Variants in USP47 observed in about 807,000 individuals in gnomAD.
USP47 encodes the protein ubiquitin carboxyl-terminal hydrolase 47.
In USP47, 35 loss-of-function variants were observed where a neutral mutation model predicts 165.1. The ratio of observed to expected loss-of-function variants is 0.21; its 90% confidence interval spans 0.16 to 0.28. The LOEUF (loss-of-function observed/expected upper bound fraction) is 0.28, where lower values mean the gene tolerates loss of function less well. USP47 is among the 10% of genes least tolerant of loss of function. USP47 has a pLI of 1.00. For missense variants in USP47, 1,277 were observed against 1,607.4 expected, an observed-to-expected ratio of 0.79 and a Z score of 3.52; for synonymous variants, 531 against 544.5, an observed-to-expected ratio of 0.98 and a Z score of 0.35.
intron 5 of USP47, among the ~76,000 whole-genome samples, chr11:11,898,446 A>G (rs1007962846): frequency 2.0e-5 from 3 of 151,944 alleles, no homozygotes; most frequent in Admixed American, 1.3e-4. Flanking sequence ...AACTTTTAAT[A>G]TTGCTGATTG....
chr11:11,953,929 A>G (rs1223651375), intron 25 of USP47, among the ~76,000 whole-genome samples: 1 of 152,136 alleles, frequency 6.6e-6, no homozygotes. Flanking sequence ...CGGATTTGCA[A>G]TTAAACATCT....
rs116237108 is a variant in USP47 at position 11,948,810 on chromosome 11, G to A, written c.3348+252G>A. On this transcript the variant is annotated intron_variant, in intron 22 of 27. Transcript: ENST00000527733. ...AACATTTTATTTACAAAAGCAGGCA[G>A]CAGTGAACTTGGCCCTCAGGCCACT... 5.9e-3 allele frequency: 1,958 copies of A among 332,830 alleles called. 23 individuals are homozygous for A. Among genetic ancestry groups the A allele is most frequent in the African/African-American group, 0.024 (1,148 of 47,810 alleles). The allele number at this position is 332,830 out of a possible 1,614,324, so 20.6% of individuals were successfully genotyped here.
chr11:11,936,589 G>A (rs1855091614), intron 17 of USP47, 79 bp downstream of exon 17: 2 of 1,202,472 alleles, frequency 1.7e-6, no homozygotes. Flanking sequence ...TTGTAGAAAT[G>A]AACATAATTT....
intron 1 of USP47, among the ~76,000 whole-genome samples, chr11:11,853,357 G>A (rs1219274863): frequency 6.6e-6 from 1 of 152,212 alleles, no homozygotes; most frequent in African/African-American, 2.4e-5. Flanking sequence ...GGCATATTCT[G>A]TTATGAGGTT....
chr11:11,862,665 G>C lies in USP47; in HGVS notation c.40-17512G>C, dbSNP rs370457314. ...AATTTGACAGTGGTAGAAAAGCTAA[G>C]GCTAAGAAGACTTTTCTCTTCTTTT... is the stretch of plus-strand genomic sequence containing the variant. On this transcript the variant is annotated intron_variant, in intron 1 of 27. Transcript: ENST00000527733. 1.1e-4 allele frequency among the ~76,000 whole-genome samples: 16 copies of C among 152,256 alleles called. No homozygotes were observed. The South Asian group carries it at 3.3e-3, about 32-fold the overall frequency.
At chr11:11,918,651 T>G (rs1219010997) in intron 8 of USP47, among the ~76,000 whole-genome samples, 1 of 152,022 alleles carries the variant, frequency 6.6e-6, no homozygotes, top group Admixed American at 6.6e-5. Context: ...ATGAGTAAAG[T>G]ATTTGAGAGT....
chr11:11,960,899 C>T lies in USP47; in HGVS notation c.*4724C>T, dbSNP rs1306368331. ...TCTTTGTCCCTCACACTACAGCAGG[C>T]CCCTCCCTTCCCTCTTCAACCTCAT... On this transcript the variant is annotated 3_prime_UTR_variant, in exon 28 of 28. Transcript: ENST00000527733. Among the ~76,000 whole-genome samples, 1 of 152,152 alleles carries T rather than the reference C, an allele frequency of 6.6e-6. No individual in the cohort carries two copies. The highest frequency in any genetic ancestry group is 1.5e-5 in the Non-Finnish European group (1 of 68,022).
Position 11,867,957 on chromosome 11 carries a change from C to T in USP47, c.40-12220C>T, listed in dbSNP as rs553680690. Among the ~76,000 whole-genome samples, 8 of 152,142 alleles carry T rather than the reference C, an allele frequency of 5.3e-5. No individual in the cohort carries two copies. In the South Asian group the frequency reaches 1.5e-3, roughly 28 times the overall value. On this transcript the variant is annotated intron_variant, in intron 1 of 27. Coordinates refer to ENST00000527733, the MANE Select transcript of USP47 (RefSeq NM_001282659.2). ...TCATGAAGACCAGCATGTGGTTGCA[C>T]GTTCTTAGGAGTACCCTCCTCCCAT...
At chr11:11,932,681 A>G (rs1410516187) in intron 14 of USP47, among the ~76,000 whole-genome samples, 2 of 152,124 alleles carry the variant, frequency 1.3e-5, no homozygotes, top group Admixed American at 6.6e-5. Context: ...CATGATTTGA[A>G]GTCAGAAATT....
Position 11,841,999 on chromosome 11 carries a change from G to A in USP47, c.-187G>A. ...CGAAGGCGGCTGTGGTAGCGGCGGC[G>A]GCGGCGGCGGAGCCCTGGGTCGGTG... On this transcript the variant is annotated 5_prime_UTR_variant, in exon 1 of 28. Coordinates refer to ENST00000527733, the MANE Select transcript of USP47 (RefSeq NM_001282659.2). The A allele has an allele frequency of 1.8e-6, 1 of 562,686 alleles. No homozygotes were observed. Among genetic ancestry groups the A allele is most frequent in the Non-Finnish European group, 3.0e-6 (1 of 337,926 alleles). 34.9% of individuals were successfully genotyped at this position (562,686 alleles called of 1,614,324 possible).
In USP47 at chr11:11,936,433, T is replaced by C. The variant is rs759745033; in HGVS notation, c.2000T>C (p.Val667Ala). Residue 667 changes from valine (V) to alanine (A), a missense_variant, in exon 17 of 28, where the codon GTC becomes GCC. By Grantham distance (64) the Val-to-Ala change is moderately conservative. Transcript: ENST00000527733. ...DTPMGLLLGG[V>A]KSTYMFDLLL... ...CCAATGGGGCTTCTACTAGGTGGCG[T>C]CAAGTCAACATATATGTTTGATCTG... is the stretch of plus-strand genomic sequence containing the variant. 6.2e-7 allele frequency: 1 copy of C among 1,609,992 alleles called. No homozygotes were observed. The highest frequency in any genetic ancestry group is 8.5e-7 in the Non-Finnish European group (1 of 1,177,266).
chr11:11,871,670 G>A (rs12418890), intron 1 of USP47, among the ~76,000 whole-genome samples: 24,667 of 151,960 alleles, frequency 0.16, 2,490 homozygotes, highest in Admixed American at 0.34. Flanking sequence ...GGGATGCACT[G>A]TAGGTCCCTT....
intron 11 of USP47, among the ~76,000 whole-genome samples, chr11:11,927,783 ATG>A (rs1273507851): frequency 6.6e-6 from 1 of 152,112 alleles, no homozygotes; most frequent in Non-Finnish European, 1.5e-5. Context: ...AGAGAAGAAA[ATG>A]TTAGGACACG....
intron 1 of USP47, among the ~76,000 whole-genome samples, chr11:11,867,418 G>C (rs776429961): frequency 6.0e-4 from 91 of 152,080 alleles, no homozygotes; most frequent in Non-Finnish European, 1.1e-3. Flanking sequence ...ACATCTCTAT[G>C]TCACTAGAAG....
rs962979059 is a variant in USP47 at position 11,959,758 on chromosome 11, A to G, written c.*3583A>G. Among the ~76,000 whole-genome samples the G allele has an allele frequency of 7.8e-4, 118 of 152,150 alleles. 1 individual carries two copies. Among genetic ancestry groups the G allele is most frequent in the Admixed American group, 7.7e-3 (118 of 15,270 alleles). On this transcript the variant is annotated 3_prime_UTR_variant, in exon 28 of 28. Transcript: ENST00000527733. ...TGCTCTGCCCCTTCCCCATCACAGC[A>G]CTGCCCCTTTCCACCTCCTCACCAG...
At chr11:11,936,877 C>T (rs1268926075) in intron 17 of USP47, among the ~76,000 whole-genome samples, 1 of 151,756 alleles carries the variant, frequency 6.6e-6, no homozygotes, top group Non-Finnish European at 1.5e-5. Flanking sequence ...ATGGAGAAGA[C>T]CTTGGTCCAA....
chr11:11,899,870 T>C (rs1002597084), intron 5 of USP47, among the ~76,000 whole-genome samples: 24 of 152,122 alleles, frequency 1.6e-4, no homozygotes, highest in African/African-American at 5.6e-4. Context: ...TGTTTCTTAA[T>C]GTAGAACTAA....
chr11:11,922,722 A>G lies in USP47; in HGVS notation c.1219-2A>G. The G allele has an allele frequency of 6.2e-7, 1 of 1,607,014 alleles. No homozygotes were observed. The highest frequency in any genetic ancestry group is 8.5e-7 in the Non-Finnish European group (1 of 1,175,872). ...TAACTAAGATAATTATGTCTTATTA[A>G]GAAATCTCCTCAGACTGAAAGTTGC... is the stretch of plus-strand genomic sequence containing the variant. On this transcript the variant is annotated splice_acceptor_variant, in intron 10 of 27. Coordinates refer to ENST00000527733, the MANE Select transcript of USP47 (RefSeq NM_001282659.2). LOFTEE classifies it high-confidence loss of function.
chr11:11,947,703 A>T (rs747156783), intron 20 of USP47, among the ~76,000 whole-genome samples: 1 of 152,200 alleles, frequency 6.6e-6, no homozygotes, highest in Non-Finnish European at 1.5e-5. Flanking sequence ...GAGTTTGGCA[A>T]CCTAAACAAA....
Sources: allele counts gnomAD v4.1 joint callset (sites outside exome capture counted in the v4.1 genomes callset), GRCh38; gene constraint gnomAD v4.1.1; transcripts MANE v1.5; gene names NCBI Gene and HGNC (gene_info 2026-07-23, HGNC 2026-07-21).